The following STPG2 variants were observed in gnomAD, a reference collection of about 807,000 sequenced individuals.
The protein encoded by STPG2 is sperm tail PG-rich repeat containing 2.
In STPG2, 56 loss-of-function variants were observed where a neutral mutation model predicts 54.2. The observed-to-expected ratio is 1.03, with a 90% CI of 0.83 to 1.29. The LOEUF (loss-of-function observed/expected upper bound fraction) is 1.29, where lower values mean the gene tolerates loss of function less well. Among genes scored for constraint, STPG2 ranks in the 50% most tolerant of loss-of-function variants. The pLI, the probability that STPG2 is intolerant of heterozygous loss-of-function variation, is 0.00. For synonymous variants in STPG2, 200 were observed against 181.8 expected (o/e 1.10, Z -0.81); for missense variants, 596 against 544.9 (o/e 1.09, Z -0.93).
chr4:97,486,860 A>AAC (rs772458069), intron 4 of STPG2, among the ~76,000 whole-genome samples: 26,519 of 125,400 alleles, frequency 0.21, 2,730 homozygotes, highest in Middle Eastern at 0.29. Flanking sequence ...TATGTATACA[A>AAC]ACACACACAC....
chr4:97,680,721 T>A (rs1374050749), intron 10 of STPG2, among the ~76,000 whole-genome samples: 1 of 152,058 alleles, frequency 6.6e-6, no homozygotes, highest in Non-Finnish European at 1.5e-5. Context: ...ATTCTCTGGA[T>A]ATGAGTAGAG....
At chr4:97,566,760 T>C (rs1399296289) in intron 10 of STPG2, among the ~76,000 whole-genome samples, 1 of 151,930 alleles carries the variant, frequency 6.6e-6, no homozygotes, top group East Asian at 1.9e-4. Flanking sequence ...GAAATCATCA[T>C]TCTCAGTAAA....
chr4:97,546,311 G>GA (rs1052418490), intron 4 of STPG2, among the ~76,000 whole-genome samples: 12 of 150,360 alleles, frequency 8.0e-5, no homozygotes, highest in South Asian at 2.1e-4. Context: ...TCTAATAATA[G>GA]AAAAAAAAAT....
At chr4:97,799,675 C>G (rs1727316646) in intron 9 of STPG2, among the ~76,000 whole-genome samples, 1 of 152,208 alleles carries the variant, frequency 6.6e-6, no homozygotes, top group East Asian at 1.9e-4. Context: ...AGTTGCTCTT[C>G]TCAAGGAGTA....
chr4:97,464,794 A>G (rs1332087561), intron 4 of STPG2, among the ~76,000 whole-genome samples: 1 of 152,206 alleles, frequency 6.6e-6, no homozygotes, highest in Non-Finnish European at 1.5e-5. Context: ...TATTTGCAAG[A>G]AATCTAAATG....
At chr4:97,457,856 T>C (rs532757782) in intron 4 of STPG2, among the ~76,000 whole-genome samples, 20 of 152,288 alleles carry the variant, frequency 1.3e-4, no homozygotes, top group Admixed American at 1.1e-3. Flanking sequence ...AAAAGAAACC[T>C]AGAGGAAAAT....
chr4:97,672,865 C>T (rs1475437297), intron 10 of STPG2, among the ~76,000 whole-genome samples: 1 of 152,144 alleles, frequency 6.6e-6, no homozygotes, highest in Non-Finnish European at 1.5e-5. Context: ...AAAGAAAAGG[C>T]AGTTGGAGGC....
chr4:98,024,917 A>T (rs1736363835), intron 5 of STPG2, among the ~76,000 whole-genome samples: 1 of 139,138 alleles, frequency 7.2e-6, no homozygotes, highest in Non-Finnish European at 1.7e-5. Context: ...GTAAATATTA[A>T]TTCAAGACTC....
intron 9 of STPG2, among the ~76,000 whole-genome samples, chr4:97,757,002 C>T (rs1445946874): frequency 6.6e-6 from 1 of 152,110 alleles, no homozygotes; most frequent in African/African-American, 2.4e-5. Flanking sequence ...GTACCCTACA[C>T]CAATCATGTG....
intron 8 of STPG2, among the ~76,000 whole-genome samples, chr4:97,860,684 C>T (rs997433698): frequency 6.6e-6 from 1 of 151,886 alleles, no homozygotes; most frequent in African/African-American, 2.4e-5. Context: ...TTGGATGAGT[C>T]GTTGGGGTTT....
At chr4:97,935,721 G>C (rs1161662982) in intron 8 of STPG2, among the ~76,000 whole-genome samples, 1 of 152,148 alleles carries the variant, frequency 6.6e-6, no homozygotes, top group Non-Finnish European at 1.5e-5. Context: ...GTTCTAATTT[G>C]ATTGCTCTGT....
intron 9 of STPG2, among the ~76,000 whole-genome samples, chr4:97,812,745 C>G (rs984818935): frequency 2.6e-5 from 4 of 152,084 alleles, no homozygotes; most frequent in African/African-American, 9.7e-5. Context: ...CAGAAGATCA[C>G]CTACAATCTC....
chr4:98,038,885 A>G (rs1477334372), intron 5 of STPG2, among the ~76,000 whole-genome samples: 3 of 152,026 alleles, frequency 2.0e-5, no homozygotes, highest in Admixed American at 2.0e-4. Flanking sequence ...AAATAGAAAC[A>G]GCAAATAAAC....
At chr4:98,007,226 C>T (rs1050070690) in intron 5 of STPG2, among the ~76,000 whole-genome samples, 2 of 152,166 alleles carry the variant, frequency 1.3e-5, no homozygotes, top group Admixed American at 6.5e-5. Context: ...ACCTACTGTC[C>T]TAGAGGTCAG....
intron 8 of STPG2, among the ~76,000 whole-genome samples, chr4:97,912,215 A>T (rs1255194019): frequency 6.6e-6 from 1 of 152,206 alleles, no homozygotes; most frequent in Non-Finnish European, 1.5e-5. Context: ...ATGAGGGAAA[A>T]AAATCAACAC....
At chr4:98,068,046 G>C (rs746723556) in intron 5 of STPG2, among the ~76,000 whole-genome samples, 20 of 152,020 alleles carry the variant, frequency 1.3e-4, no homozygotes, top group Non-Finnish European at 2.8e-4. Flanking sequence ...AAAAGTTGTT[G>C]GTTTTTCAAA....
At chr4:97,958,800 C>T (rs555939515) in intron 7 of STPG2, among the ~76,000 whole-genome samples, 1 of 152,272 alleles carries the variant, frequency 6.6e-6, no homozygotes, top group Admixed American at 6.5e-5. Context: ...TCACGCACAG[C>T]ACTAGACAGG....
At chr4:97,648,823 A>T (rs1721984783) in intron 10 of STPG2, among the ~76,000 whole-genome samples, 1 of 152,152 alleles carries the variant, frequency 6.6e-6, no homozygotes, top group Non-Finnish European at 1.5e-5. Context: ...ATTATTGGTG[A>T]TGTTATTAAT....
At chr4:98,084,310 T>C (rs1366697655) in intron 5 of STPG2, among the ~76,000 whole-genome samples, 2 of 152,210 alleles carry the variant, frequency 1.3e-5, no homozygotes, top group Non-Finnish European at 2.9e-5. Flanking sequence ...CTAAATAGTA[T>C]TACATTGTAT....
Sources: allele counts gnomAD v4.1 joint callset (sites outside exome capture counted in the v4.1 genomes callset), GRCh38; gene constraint gnomAD v4.1.1; transcripts MANE v1.5; gene names NCBI Gene and HGNC (gene_info 2026-07-23, HGNC 2026-07-21).